PDE1A: variants seen among roughly 807,000 people sequenced by gnomAD.
PDE1A encodes phosphodiesterase 1A.
Under a neutral mutation model 61.7 loss-of-function variants are expected in PDE1A, and 35 were observed. The observed-to-expected ratio is 0.57, with a 90% confidence interval of 0.43 to 0.75. The LOEUF is 0.75. PDE1A is among the 30% of genes least tolerant of loss of function. PDE1A has a pLI of 0.00. For missense variants in PDE1A, 597 were observed against 630.6 expected (o/e 0.95, Z 0.57); for synonymous variants, 232 against 213.2 (o/e 1.09, Z -0.77).
chr2:182,600,022 C>T, the PDE1A span, among the ~76,000 whole-genome samples: 5 of 152,188 alleles, frequency 3.3e-5, no homozygotes, highest in Admixed American at 3.3e-4. Flanking sequence ...TCCTACTCTA[C>T]TCCCAGGAGA....
chr2:182,399,537 T>C (rs1701886243), intron 1 of PDE1A, among the ~76,000 whole-genome samples: 1 of 152,114 alleles, frequency 6.6e-6, no homozygotes, highest in Non-Finnish European at 1.5e-5. Context: ...TCATTCCTTT[T>C]ACCAATATCA....
chr2:182,712,072 G>T, the PDE1A span, among the ~76,000 whole-genome samples: 179 of 152,290 alleles, frequency 1.2e-3, no homozygotes, highest in African/African-American at 4.1e-3. Context: ...AGACCATAGG[G>T]TCAGTTCTGT....
chr2:182,596,237 G>A, the PDE1A span, among the ~76,000 whole-genome samples: 1 of 152,208 alleles, frequency 6.6e-6, no homozygotes, highest in South Asian at 2.1e-4. Flanking sequence ...TGAACACATG[G>A]AGTGAGCATG....
the PDE1A span, among the ~76,000 whole-genome samples, chr2:182,658,359 T>C: frequency 6.6e-6 from 1 of 152,232 alleles, no homozygotes; most frequent in Non-Finnish European, 1.5e-5. Context: ...ATATGGTATT[T>C]TTCTGTGTGC....
rs17265203 is a variant in PDE1A, at chr2:182,476,909, A to T, written c.101+45367T>A. Among the ~76,000 whole-genome samples the T allele has an allele frequency of 6.5e-4, 98 of 150,784 alleles. 1 individual carries two copies. Among genetic ancestry groups the T allele is most frequent in the Middle Eastern group, 3.4e-3 (1 of 294 alleles). The stretch of plus-strand genomic sequence containing the variant: ...AAGGTTTTCATAAAAAAAAAAAAAA[A>T]CTCTGAGCTTCCTGGCAGCCAAAGT... On this transcript the variant is annotated intron_variant, in intron 2 of 14. Transcript: ENST00000410103.
chr2:182,701,202 T>G, the PDE1A span, among the ~76,000 whole-genome samples: 2 of 14,438 alleles, frequency 1.4e-4, no homozygotes, highest in East Asian at 1.9e-3. Flanking sequence ...GCCCGGCTAA[T>G]TTTTTTGTAT....
the PDE1A span, among the ~76,000 whole-genome samples, chr2:182,699,450 A>G: frequency 6.6e-6 from 1 of 152,222 alleles, no homozygotes; most frequent in East Asian, 1.9e-4. Context: ...TTTGATACCA[A>G]TAACATATTT....
chr2:182,406,955 G>A (rs1702332650), intron 1 of PDE1A, among the ~76,000 whole-genome samples: 1 of 152,016 alleles, frequency 6.6e-6, no homozygotes, highest in Non-Finnish European at 1.5e-5. Flanking sequence ...TTTCAATGAT[G>A]TTGTCTAAAT....
At chr2:182,637,582 C>CAT in the PDE1A span, among the ~76,000 whole-genome samples, 3 of 152,110 alleles carry the variant, frequency 2.0e-5, no homozygotes, top group Admixed American at 6.6e-5. Flanking sequence ...AGAATCTCAG[C>CAT]ATAGGAGCCT....
the PDE1A span, among the ~76,000 whole-genome samples, chr2:182,665,843 A>G: frequency 6.6e-6 from 1 of 152,218 alleles, no homozygotes; most frequent in Non-Finnish European, 1.5e-5. Context: ...TAGACTGGAT[A>G]AAGAAAGTGT....
chr2:182,431,122 A>G (rs1346770715), upstream of PDE1A, among the ~76,000 whole-genome samples: 1 of 15,062 alleles, frequency 6.6e-5, no homozygotes, highest in Non-Finnish European at 1.3e-4. Context: ...AAAAAACATT[A>G]AAAAAAAAAA....
At chr2:182,441,446 T>C (rs1684789698) in intron 2 of PDE1A, among the ~76,000 whole-genome samples, 1 of 152,002 alleles carries the variant, frequency 6.6e-6, no homozygotes, top group African/African-American at 2.4e-5. Context: ...ATTTCACATA[T>C]GGAAAGGGGA....
At chr2:182,696,909 A>G in the PDE1A span, among the ~76,000 whole-genome samples, 1 of 152,274 alleles carries the variant, frequency 6.6e-6, no homozygotes, top group East Asian at 1.9e-4. Context: ...ATATAACAAT[A>G]AAAAGACTCA....
the PDE1A span, among the ~76,000 whole-genome samples, chr2:182,590,111 T>A: frequency 6.6e-6 from 1 of 151,494 alleles, no homozygotes; most frequent in African/African-American, 2.4e-5. Context: ...CTTTAGTAAG[T>A]AGTGGAGACG....
chr2:182,356,143 T>G (rs550749524), intron 1 of PDE1A, among the ~76,000 whole-genome samples: 3 of 152,202 alleles, frequency 2.0e-5, no homozygotes, highest in Admixed American at 2.0e-4. Flanking sequence ...TTACTAAAAT[T>G]CCAAAGAAAG....
chr2:182,343,848 G>A (rs1382670056), intron 1 of PDE1A, among the ~76,000 whole-genome samples: 1 of 148,534 alleles, frequency 6.7e-6, no homozygotes, highest in Non-Finnish European at 1.5e-5. Context: ...CAAATACATA[G>A]TAATCTCTTA....
At chr2:182,431,140 A>C (rs941620539), upstream of PDE1A, among the ~76,000 whole-genome samples, 25 of 140,794 alleles carry the variant, frequency 1.8e-4, no homozygotes, top group South Asian at 4.5e-4. Flanking sequence ...AAAAAAAAAA[A>C]ACACAACACT....
the PDE1A span, among the ~76,000 whole-genome samples, chr2:182,631,292 T>TAA: frequency 9.9e-5 from 14 of 142,068 alleles, no homozygotes; most frequent in South Asian, 1.8e-3. Flanking sequence ...TTCTTTTTTT[T>TAA]TTAATTAATT....
intron 3 of PDE1A, among the ~76,000 whole-genome samples, chr2:182,239,360 C>G (rs1460454862): frequency 6.6e-6 from 1 of 151,960 alleles, no homozygotes; most frequent in Non-Finnish European, 1.5e-5. Flanking sequence ...ATTTTTTAAT[C>G]TAAGGGATTT....
Sources: gnomAD v4.1 joint callset for allele counts (sites outside exome capture counted in the v4.1 genomes callset) on GRCh38, gnomAD v4.1.1 for gene constraint, MANE v1.5 for transcripts, NCBI Gene and HGNC (gene_info 2026-07-23, HGNC 2026-07-21) for gene names.